Variants in SCNN1B observed in about 807,000 individuals in gnomAD.
SCNN1B encodes the protein sodium channel epithelial 1 subunit beta, also known as epithelial sodium channel subunit beta.
SCNN1B carries 46 observed loss-of-function variants against 65.3 expected under a neutral mutation model. The ratio of observed to expected loss-of-function variants is 0.70; its 90% CI spans 0.56 to 0.90. The LOEUF (loss-of-function observed/expected upper bound fraction) is 0.90. Ranked by LOEUF, SCNN1B falls within the 40% of genes least tolerant of loss-of-function variation. The probability of loss-of-function intolerance (pLI) is 0.00; values close to 1 mark genes in which losing one functional copy is unlikely to be tolerated. For missense variants in SCNN1B, 751 were observed against 830.5 expected (o/e 0.90, Z 1.18); for synonymous variants, 349 against 330.6 (o/e 1.06, Z -0.60).
chr16:23,332,887 G>A (rs995403908), intron 1 of SCNN1B, among the ~76,000 whole-genome samples: 1 of 152,046 alleles, frequency 6.6e-6, no homozygotes, highest in African/African-American at 2.4e-5. Context: ...TGGTCAAGAT[G>A]GTGAAACCCC....
intron 2 of SCNN1B, among the ~76,000 whole-genome samples, chr16:23,288,461 G>A (rs1248225973): frequency 6.6e-6 from 1 of 152,158 alleles, no homozygotes; most frequent in African/African-American, 2.4e-5. Flanking sequence ...CCCCAGCAAG[G>A]CTTAGCTGTG....
intron 1 of SCNN1B, among the ~76,000 whole-genome samples, chr16:23,325,926 A>AAT: frequency 7.2e-6 from 1 of 138,134 alleles, no homozygotes; most frequent in African/African-American, 2.7e-5. Context: ...AATAAATATA[A>AAT]ATAAAAGCCA....
rs1430976782 is a variant in SCNN1B, at chr16:23,343,640, AAAGAAAG to A, written c.-8-4949_-8-4943del. Among the ~76,000 whole-genome samples, 23 of 133,828 alleles carry A rather than the reference AAAGAAAG, an allele frequency of 1.7e-4. 1 individual carries two copies. Among genetic ancestry groups the A allele is most frequent in the Non-Finnish European group, 2.7e-4 (17 of 61,864 alleles). The allele number at this position is 133,828 out of a possible 152,430, so 87.8% of individuals were successfully genotyped here. A position where few individuals can be genotyped will look rare whatever the true frequency, so the allele number is the denominator to read the frequency against. ...GAAAGAAAGAAAGAAAGAAAGAAAG[AAAGAAAG>A]AAAAAAAGAAAGGAAGGAAGGAAGA... On this transcript the variant is annotated intron_variant, in intron 1 of 12. Transcript: ENST00000343070.
chr16:23,370,230 C>T (rs979711950), intron 5 of SCNN1B, among the ~76,000 whole-genome samples: 5 of 152,154 alleles, frequency 3.3e-5, no homozygotes, highest in Non-Finnish European at 7.3e-5. Context: ...CTCAGCCTCC[C>T]GAGTAGTTGG....
intron 1 of SCNN1B, among the ~76,000 whole-genome samples, chr16:23,343,599 GAAAGAAAGAAAGAAAGAA>G: frequency 1.1e-5 from 1 of 89,418 alleles, no homozygotes; most frequent in South Asian, 7.3e-4. Flanking sequence ...AAGAAAGAAA[GAAAGAAAGAAAGAAAGAA>G]AGAAAGAAAG....
chr16:23,355,207 C>G lies in SCNN1B; in HGVS notation c.586-92C>G, dbSNP rs2301601. 109,375 of 1,308,042 alleles carry G rather than the reference C, an allele frequency of 0.084. 4,916 individuals are homozygous for G. Among genetic ancestry groups the G allele is most frequent in the East Asian group, 0.13 (5,450 of 43,314 alleles). The allele number at this position is 1,308,042 out of a possible 1,614,324, so 81.0% of individuals were successfully genotyped here. ...AGCCAGAAAGGTGGCTGGCAAAGCA[C>G]AGCTCTTGCCCTGCTAGGGCCCTCG... is the stretch of plus-strand genomic sequence containing the variant. On this transcript the variant is annotated intron_variant, in intron 3 of 12. Coordinates refer to ENST00000343070, the MANE Select transcript of SCNN1B (RefSeq NM_000336.3).
At chr16:23,350,466 T>TA (rs894396355) in intron 2 of SCNN1B, among the ~76,000 whole-genome samples, 33 of 151,598 alleles carry the variant, frequency 2.2e-4, no homozygotes, top group Middle Eastern at 3.4e-3. Context: ...AAACAAAAAA[T>TA]AAAAAAAAGT....
intron 1 of SCNN1B, among the ~76,000 whole-genome samples, chr16:23,337,244 G>A (rs367962000): frequency 2.0e-5 from 3 of 152,020 alleles, no homozygotes; most frequent in East Asian, 1.9e-4. Context: ...GTAGAGGTGA[G>A]GCTTTCAATA....
At chr16:23,343,455 ATAAAAAAAG>A (rs2142010968) in intron 1 of SCNN1B, among the ~76,000 whole-genome samples, 1 of 137,030 alleles carries the variant, frequency 7.3e-6, no homozygotes, top group African/African-American at 3.4e-5. Context: ...TTTGCCAAAA[ATAAAAAAAG>A]GAAAAGAAAG....
chr16:23,321,117 C>CT (rs1250661047), intron 1 of SCNN1B, among the ~76,000 whole-genome samples: 1 of 152,196 alleles, frequency 6.6e-6, no homozygotes, highest in African/African-American at 2.4e-5. Flanking sequence ...TGATAGCCGA[C>CT]TGCAACCTCC....
At chr16:23,372,980 G>C (rs552614217) in intron 7 of SCNN1B, among the ~76,000 whole-genome samples, 5 of 151,678 alleles carry the variant, frequency 3.3e-5, no homozygotes, top group East Asian at 2.0e-4. Context: ...CGTGGCACAC[G>C]CCTGTAGTCC....
At chr16:23,377,084 C>A (rs1962914144) in intron 8 of SCNN1B, 81 bp from the exon 9 acceptor site, 3 of 1,284,076 alleles carry the variant, frequency 2.3e-6, no homozygotes, top group Non-Finnish European at 2.2e-6. Flanking sequence ...AGCAGAGGGG[C>A]CAGCCAGAGG....
intron 4 of SCNN1B, among the ~76,000 whole-genome samples, chr16:23,365,188 A>T (rs1354207335): frequency 6.6e-6 from 1 of 152,010 alleles, no homozygotes; most frequent in Non-Finnish European, 1.5e-5. Flanking sequence ...GCTACTCAGG[A>T]GGCTGAGGCA....
intron 1 of SCNN1B, among the ~76,000 whole-genome samples, chr16:23,303,300 G>T (rs563049097): frequency 1.3e-5 from 2 of 152,228 alleles, no homozygotes; most frequent in East Asian, 3.9e-4. Flanking sequence ...AGGGAGTAGG[G>T]GCAGAACAAC....
intron 2 of SCNN1B, among the ~76,000 whole-genome samples, chr16:23,296,494 C>T (rs1218164626): frequency 6.6e-6 from 1 of 152,194 alleles, no homozygotes; most frequent in East Asian, 1.9e-4. Context: ...CATTTCAGAA[C>T]ATGGACTTTG....
chr16:23,313,994 G>A (rs1961398889), intron 1 of SCNN1B, among the ~76,000 whole-genome samples: 1 of 152,048 alleles, frequency 6.6e-6, no homozygotes, highest in African/African-American at 2.4e-5. Flanking sequence ...GGTAGGTACA[G>A]TTTTTTAATT....
Position 23,352,960 on chromosome 16 carries a change from C to T in SCNN1B, c.471C>T (p.Asn157=), listed in dbSNP as rs779082076. The change falls in exon 3 of 13, where the codon AAC becomes AAT. Residue 157 remains asparagine (N), a synonymous_variant. Coordinates refer to ENST00000343070, the MANE Select transcript of SCNN1B (RefSeq NM_000336.3). ...HTPLVLIDER[N]PHHPMVLDLF... is the part of the protein sequence containing the mutation. ...CCCTGGTCCTTATTGATGAACGGAA[C>T]CCCCACCACCCCATGGTCCTTGATC... The T allele has an allele frequency of 6.2e-7, 1 of 1,614,180 alleles. No homozygotes were observed. The highest frequency in any genetic ancestry group is 8.5e-7 in the Non-Finnish European group (1 of 1,180,026).
upstream of SCNN1B, among the ~76,000 whole-genome samples, chr16:23,297,615 C>T (rs1434542574): frequency 6.6e-6 from 1 of 152,198 alleles, no homozygotes; most frequent in African/African-American, 2.4e-5. Flanking sequence ...GAACAACTCC[C>T]AAGCCAGCAA....
At chr16:23,360,591 G>GT (rs35772167) in intron 4 of SCNN1B, among the ~76,000 whole-genome samples, 31,982 of 95,434 alleles carry the variant, frequency 0.34, 5,989 homozygotes, top group Middle Eastern at 0.46. Flanking sequence ...GGTGGTGGTG[G>GT]TTTTTTTTTT....
Sources: gnomAD v4.1 joint callset for allele counts (sites outside exome capture counted in the v4.1 genomes callset) on GRCh38, gnomAD v4.1.1 for gene constraint, MANE v1.5 for transcripts, NCBI Gene and HGNC (gene_info 2026-07-23, HGNC 2026-07-21) for gene names.